The following ZNF232 variants were observed in gnomAD, a reference collection of about 807,000 sequenced individuals.
ZNF232 encodes the protein zinc finger and SCAN domain-containing protein 11.
ZNF232 carries 25 observed loss-of-function variants against 25.2 expected under a neutral mutation model. That is an observed-to-expected ratio of 0.99 (90% CI 0.72 to 1.39). ZNF232 has a LOEUF of 1.39. Ranked by LOEUF, ZNF232 falls within the 40% of genes most tolerant of loss-of-function variation. The pLI is 0.00. For missense variants in ZNF232, 519 were observed against 520.9 expected, an observed-to-expected ratio of 1.00 and a Z score of 0.04; for synonymous variants, 193 against 182.9, an observed-to-expected ratio of 1.06 and a Z score of -0.45.
chr17:5,105,749 A>G (rs990477548), exon 4 of ZNF232: 5 of 1,375,556 alleles, frequency 3.6e-6, no homozygotes, highest in Middle Eastern at 1.9e-4. Flanking sequence ...AGGAACTTAT[A>G]ACTTTTATGG....
At chr17:5,112,404 T>G (rs2072438115), upstream of ZNF232, 1 of 152,254 alleles carries the variant, frequency 6.6e-6, no homozygotes, top group Non-Finnish European at 1.5e-5. Context: ...TTAATTTTAT[T>G]GCGATGGGGG....
upstream of ZNF232, chr17:5,112,497 G>C (rs1021954657): frequency 6.6e-6 from 1 of 151,780 alleles, no homozygotes; most frequent in Non-Finnish European, 1.5e-5. Flanking sequence ...TGTCGCCCAG[G>C]CTGGAGTGCA....
upstream of ZNF232, among the ~76,000 whole-genome samples, chr17:5,112,934 G>A (rs1034567454): frequency 1.3e-5 from 2 of 151,538 alleles, no homozygotes; most frequent in African/African-American, 4.9e-5. Context: ...ACTCTAGCCT[G>A]GGCGACAGAG....
At chr17:5,110,227 T>C (rs1597926270) in intron 1 of ZNF232, among the ~76,000 whole-genome samples, 1 of 152,088 alleles carries the variant, frequency 6.6e-6, no homozygotes, top group Admixed American at 6.6e-5. Context: ...CATATACATA[T>C]ACTCAACACT....
chr17:5,107,199 C>T (rs1232818677), intron 3 of ZNF232, among the ~76,000 whole-genome samples: 11 of 151,348 alleles, frequency 7.3e-5, no homozygotes, highest in East Asian at 5.9e-4. Context: ...CCATCCTGGC[C>T]AACACGGTGA....
In ZNF232 at chr17:5,109,067, G is replaced by A. The variant is rs200302735; in HGVS notation, c.499-15C>T. 2.9e-4 allele frequency: 471 copies of A among 1,613,780 alleles called. No homozygotes were observed. The Middle Eastern group carries it at 5.1e-3, about 18-fold the overall frequency. On this transcript the variant is annotated splice_polypyrimidine_tract_variant and intron_variant, in intron 2 of 3. Transcript: ENST00000575898. ...GGGCCTGGGACCTGGAGGTGATCAG[G>A]CACCACTCAGTTTAAATTTTCTTCA... is the stretch of plus-strand genomic sequence containing the variant.
chr17:5,120,151 T>G (rs978772835), intron 1 of ZNF232, among the ~76,000 whole-genome samples: 1 of 152,156 alleles, frequency 6.6e-6, no homozygotes, highest in Non-Finnish European at 1.5e-5. Flanking sequence ...TGTTTCCCCC[T>G]GGCTTTGAGG....
intron 1 of ZNF232, among the ~76,000 whole-genome samples, chr17:5,110,662 A>C (rs919630923): frequency 6.6e-6 from 1 of 152,218 alleles, no homozygotes; most frequent in Non-Finnish European, 1.5e-5. Flanking sequence ...TCAAATGCCA[A>C]AGCCCTATTA....
chr17:5,116,231 C>T (rs2072533496), upstream of ZNF232, among the ~76,000 whole-genome samples: 1 of 152,230 alleles, frequency 6.6e-6, no homozygotes, highest in African/African-American at 2.4e-5. Flanking sequence ...ATTGAGAGGA[C>T]TTCCCGCCTG....
At chr17:5,106,320 G>A in exon 4 of ZNF232, 5 of 1,614,252 alleles carry the variant, frequency 3.1e-6, no homozygotes, top group Non-Finnish European at 4.2e-6. Flanking sequence ...CTCCTGGGCA[G>A]GGGACCACCT....
At chr17:5,112,995 A>G (rs960441336), upstream of ZNF232, among the ~76,000 whole-genome samples, 9 of 152,278 alleles carry the variant, frequency 5.9e-5, no homozygotes, top group East Asian at 3.9e-4. Flanking sequence ...TTATCTCACT[A>G]TCAATTTTGC....
intron 1 of ZNF232, among the ~76,000 whole-genome samples, chr17:5,119,866 G>A (rs1159059963): frequency 1.3e-5 from 2 of 152,102 alleles, no homozygotes; most frequent in African/African-American, 4.8e-5. Context: ...GCTCAGAGAG[G>A]TTAAGGGATT....
Position 5,121,256 on chromosome 17 carries a change from C to G in ZNF232, c.-530+1721G>C, listed in dbSNP as rs148544960. 3.8e-3 allele frequency: 1,395 copies of G among 368,812 alleles called. 18 individuals are homozygous for G. The highest frequency in any genetic ancestry group is 0.027 in the African/African-American group (1,287 of 47,368). The allele number at this position is 368,812 out of a possible 1,614,324, so 22.8% of individuals were successfully genotyped here. A position where few individuals can be genotyped will look rare whatever the true frequency, so the allele number is the denominator to read the frequency against. Reference sequence around the variant, plus strand: ...CGTGGGTGCAGAGGGTCTTTGTGTGCAGGTGCCTTTGGGGCCCCATAGAGG... The same window carrying G: ...CGTGGGTGCAGAGGGTCTTTGTGTGGAGGTGCCTTTGGGGCCCCATAGAGG... On this transcript the variant is annotated intron_variant, in intron 1 of 4. Coordinates refer to the ZNF232 transcript ENST00000250076.
chr17:5,106,105 T>C (rs1354621742), exon 4 of ZNF232: 8 of 1,614,210 alleles, frequency 5.0e-6, no homozygotes, highest in African/African-American at 1.3e-5. Flanking sequence ...CCTGTATGAA[T>C]TCTCTGATGC....
chr17:5,115,883 C>T (rs1211730962), upstream of ZNF232, among the ~76,000 whole-genome samples: 3 of 152,296 alleles, frequency 2.0e-5, no homozygotes, highest in African/African-American at 4.8e-5. Context: ...TGAGGCGGTC[C>T]TCGAGGCGCC....
At chr17:5,107,770 A>C (rs2072297124) in intron 3 of ZNF232, among the ~76,000 whole-genome samples, 1 of 152,146 alleles carries the variant, frequency 6.6e-6, no homozygotes, top group Non-Finnish European at 1.5e-5. Flanking sequence ...TCCTGACCCA[A>C]GTGATCCACC....
intron 2 of ZNF232, 70 bp from the exon 3 acceptor site, chr17:5,109,122 TG>T: frequency 6.2e-7 from 1 of 1,603,262 alleles, no homozygotes; most frequent in Non-Finnish European, 8.5e-7. Flanking sequence ...GTCCCCTGCC[TG>T]GACACTTGCA....
At chr17:5,113,040 A>T (rs1447998821), upstream of ZNF232, among the ~76,000 whole-genome samples, 4 of 152,248 alleles carry the variant, frequency 2.6e-5, no homozygotes, top group Non-Finnish European at 5.9e-5. Context: ...CAATACTTTT[A>T]TAAAATAGCT....
intron 1 of ZNF232, among the ~76,000 whole-genome samples, chr17:5,118,441 G>A (rs1246559063): frequency 6.6e-6 from 1 of 152,248 alleles, no homozygotes; most frequent in East Asian, 1.9e-4. Context: ...CTCCATTTGG[G>A]GTCTGCGGTG....
Sources: allele counts gnomAD v4.1 joint callset (sites outside exome capture counted in the v4.1 genomes callset), GRCh38; gene constraint gnomAD v4.1.1; transcripts MANE v1.5; gene names NCBI Gene and HGNC (gene_info 2026-07-23, HGNC 2026-07-21).